ZNF385D: variants seen among roughly 807,000 people sequenced by gnomAD.
ZNF385D encodes zinc finger protein 385D, also known as zinc finger protein 659.
ZNF385D carries 15 observed loss-of-function variants against 35.8 expected under a neutral mutation model. That is an observed-to-expected ratio of 0.42 (90% CI 0.28 to 0.64). ZNF385D has a LOEUF of 0.64. Among genes scored for constraint, ZNF385D ranks in the 30% least tolerant of loss-of-function variants. The pLI, the probability that ZNF385D is intolerant of heterozygous loss-of-function variation, is 0.23. For missense variants in ZNF385D, 474 were observed against 494.6 expected, an observed-to-expected ratio of 0.96 and a Z score of 0.39; for synonymous variants, 212 against 186.8, an observed-to-expected ratio of 1.13 and a Z score of -1.10.
chr3:22,192,885 C>G (rs895095465), intron 2 of ZNF385D, among the ~76,000 whole-genome samples: 2 of 152,136 alleles, frequency 1.3e-5, no homozygotes, highest in African/African-American at 4.8e-5. Flanking sequence ...TTAAATAACT[C>G]TGCTAGGTAA....
chr3:22,285,897 T>C (rs781101967), intron 2 of ZNF385D, among the ~76,000 whole-genome samples: 1 of 152,162 alleles, frequency 6.6e-6, no homozygotes, highest in East Asian at 1.9e-4. Context: ...ATAAATCTTA[T>C]GCCAAACCGT....
At position 22,151,165 on chromosome 3, in the gene ZNF385D, T is replaced by C. The variant is rs566480121; in HGVS notation, c.325+17652A>G. On this transcript the variant is annotated intron_variant, in intron 3 of 5. Coordinates refer to the ZNF385D transcript ENST00000494108. ...CATCACACATCATTTCTACTTCTGA[T>C]AGTTTCATGGGGCAGGGGCACCCCT... Among the ~76,000 whole-genome samples the C allele has an allele frequency of 3.3e-5, 5 of 152,278 alleles. No individual in the cohort carries two copies. In the South Asian group the frequency reaches 1.0e-3, roughly 32 times the overall value.
chr3:22,201,528 A>C (rs1473507380), intron 2 of ZNF385D, among the ~76,000 whole-genome samples: 4 of 152,090 alleles, frequency 2.6e-5, no homozygotes, highest in Non-Finnish European at 5.9e-5. Context: ...GATACAGAAA[A>C]AAAGAAAGAA....
chr3:21,543,493 G>C (rs543084009), intron 3 of ZNF385D, among the ~76,000 whole-genome samples: 2 of 152,172 alleles, frequency 1.3e-5, no homozygotes, highest in Non-Finnish European at 2.9e-5. Flanking sequence ...GCGGGGCTGG[G>C]ATGCATGGCC....
At chr3:21,905,013 C>G (rs73129335) in intron 3 of ZNF385D, among the ~76,000 whole-genome samples, 2 of 151,610 alleles carry the variant, frequency 1.3e-5, no homozygotes, top group African/African-American at 2.4e-5. Context: ...CTCATTAATA[C>G]TATAACAAAA....
At chr3:21,870,815 T>G (rs2125846232) in intron 3 of ZNF385D, among the ~76,000 whole-genome samples, 1 of 152,126 alleles carries the variant, frequency 6.6e-6, no homozygotes, top group East Asian at 1.9e-4. Context: ...TTCTGATGTC[T>G]GCTCTTTCTT....
intron 3 of ZNF385D, among the ~76,000 whole-genome samples, chr3:22,071,236 AG>A (rs1178956934): frequency 6.6e-6 from 1 of 152,174 alleles, no homozygotes; most frequent in Non-Finnish European, 1.5e-5. Context: ...AATATCCCAA[AG>A]GTTCCAACTC....
At chr3:21,758,255 T>C (rs2125577992) in intron 3 of ZNF385D, among the ~76,000 whole-genome samples, 1 of 152,344 alleles carries the variant, frequency 6.6e-6, no homozygotes, top group South Asian at 2.1e-4. Context: ...AAATATTAGA[T>C]GTTAATTCCT....
At chr3:22,312,178 G>A (rs372371538) in intron 2 of ZNF385D, among the ~76,000 whole-genome samples, 6 of 152,134 alleles carry the variant, frequency 3.9e-5, no homozygotes, top group South Asian at 4.1e-4. Flanking sequence ...TATGATACTC[G>A]TTTGGCTTGT....
intron 3 of ZNF385D, among the ~76,000 whole-genome samples, chr3:22,123,875 C>CCAAAA (rs1449474966): frequency 1.4e-5 from 2 of 147,456 alleles, no homozygotes; most frequent in African/African-American, 5.1e-5. Context: ...AAAAACCAAA[C>CCAAAA]CAAACCAAAC....
Position 21,751,065 on chromosome 3 carries a change from G to C in ZNF385D, c.-149C>G. The C allele has an allele frequency of 6.6e-7, 1 of 1,525,292 alleles. No homozygotes were observed. Among genetic ancestry groups the C allele is most frequent in the African/African-American group, 1.4e-5 (1 of 72,820 alleles). The allele number at this position is 1,525,292 out of a possible 1,614,324, so 94.5% of individuals were successfully genotyped here. On this transcript the variant is annotated 5_prime_UTR_variant, in exon 1 of 8. Coordinates refer to ENST00000281523, the MANE Select transcript of ZNF385D (RefSeq NM_024697.3). ...AGCGCCGAGAGCGTGCCTCCTCCGCGGGATGAGCGCCTTGCAGGCTGCCTT... is the reference window on the plus strand; with the variant it reads ...AGCGCCGAGAGCGTGCCTCCTCCGCCGGATGAGCGCCTTGCAGGCTGCCTT...
At chr3:22,292,337 TTTC>T (rs1291453968) in intron 2 of ZNF385D, among the ~76,000 whole-genome samples, 1 of 152,062 alleles carries the variant, frequency 6.6e-6, no homozygotes, top group Admixed American at 6.6e-5. Flanking sequence ...TTTTATCTCG[TTTC>T]TTTAGATATT....
At chr3:21,591,442 T>G (rs1299805212) in intron 2 of ZNF385D, among the ~76,000 whole-genome samples, 1 of 152,164 alleles carries the variant, frequency 6.6e-6, no homozygotes, top group Non-Finnish European at 1.5e-5. Flanking sequence ...TGAAATTTAA[T>G]AGACTTCCAG....
chr3:21,526,448 G>A (rs1469109234), intron 3 of ZNF385D, among the ~76,000 whole-genome samples: 2 of 152,052 alleles, frequency 1.3e-5, no homozygotes, highest in Admixed American at 6.6e-5. Context: ...TGATACATGC[G>A]GCAATGTTTC....
At chr3:22,307,085 G>A (rs1430094916) in intron 2 of ZNF385D, among the ~76,000 whole-genome samples, 1 of 151,964 alleles carries the variant, frequency 6.6e-6, no homozygotes, top group East Asian at 1.9e-4. Context: ...TGAAAACTAG[G>A]GTTAAACTAC....
At chr3:21,629,107 T>G (rs2065212554) in intron 2 of ZNF385D, among the ~76,000 whole-genome samples, 1 of 152,098 alleles carries the variant, frequency 6.6e-6, no homozygotes, top group African/African-American at 2.4e-5. Context: ...TAAAAAAAAT[T>G]GTGATCTGTT....
chr3:21,994,579 T>G (rs1695347892), intron 3 of ZNF385D, among the ~76,000 whole-genome samples: 1 of 152,210 alleles, frequency 6.6e-6, no homozygotes, highest in African/African-American at 2.4e-5. Flanking sequence ...ATTATTGTGT[T>G]CCTTCAGAAA....
chr3:21,605,939 G>A (rs923097812), intron 2 of ZNF385D, among the ~76,000 whole-genome samples: 3 of 152,082 alleles, frequency 2.0e-5, no homozygotes, highest in Non-Finnish European at 2.9e-5. Flanking sequence ...GGAAAACCAC[G>A]TAATGCACAT....
At chr3:22,114,929 A>G (rs890014290) in intron 3 of ZNF385D, among the ~76,000 whole-genome samples, 15 of 152,086 alleles carry the variant, frequency 9.9e-5, no homozygotes, top group Non-Finnish European at 2.1e-4. Context: ...GTGAAAGCAC[A>G]GCAAGAAGGG....
Sources: allele counts gnomAD v4.1 joint callset (sites outside exome capture counted in the v4.1 genomes callset), GRCh38; gene constraint gnomAD v4.1.1; transcripts MANE v1.5; gene names NCBI Gene and HGNC (gene_info 2026-07-23, HGNC 2026-07-21).